Variants in STK3 observed in about 807,000 individuals in gnomAD.
STK3 encodes serine/threonine-protein kinase 3.
STK3 carries 41 observed loss-of-function variants against 58.0 expected under a neutral mutation model. The ratio of observed to expected loss-of-function variants is 0.71; its 90% CI spans 0.55 to 0.92. The LOEUF is 0.92. Ranked by LOEUF, STK3 falls within the 40% of genes least tolerant of loss-of-function variation. STK3 has a pLI of 0.00. For missense variants in STK3, 479 were observed against 602.7 expected, an observed-to-expected ratio of 0.79 and a Z score of 2.15; for synonymous variants, 170 against 191.0, an observed-to-expected ratio of 0.89 and a Z score of 0.91.
chr8:98,825,502 C>A lies in STK3; in HGVS notation c.26+13G>T. ...GCCGCTTCCCTCCTTCTTCCCGCTCCCCGATTCGTTACCTCTTAGGCGCCG... is the reference window on the plus strand; with the variant it reads ...GCCGCTTCCCTCCTTCTTCCCGCTCACCGATTCGTTACCTCTTAGGCGCCG... On this transcript the variant is annotated intron_variant, in intron 1 of 10. Coordinates refer to ENST00000419617, the MANE Select transcript of STK3 (RefSeq NM_006281.4). 1 of 1,457,582 alleles carries A rather than the reference C, an allele frequency of 6.9e-7. No homozygotes were observed. The highest frequency in any genetic ancestry group is 9.1e-7 in the Non-Finnish European group (1 of 1,098,978). 90.3% of individuals were successfully genotyped at this position (1,457,582 alleles called of 1,614,324 possible). A position where few individuals can be genotyped will look rare whatever the true frequency, so the allele number is the denominator to read the frequency against.
At chr8:98,449,783 T>C (rs79177837), downstream of STK3, among the ~76,000 whole-genome samples, 2,157 of 152,296 alleles carry the variant, frequency 0.014, 50 homozygotes, top group African/African-American at 0.048. Context: ...AATAGATTAA[T>C]GCCTTTCTCT....
At chr8:98,395,528 A>G (rs1251029966) in intron 3 of STK3, among the ~76,000 whole-genome samples, 1 of 152,256 alleles carries the variant, frequency 6.6e-6, no homozygotes, top group Non-Finnish European at 1.5e-5. Context: ...ACTAATTAAA[A>G]TTGTAGCAGA....
At chr8:98,707,563 A>T (rs4541872) in intron 4 of STK3, among the ~76,000 whole-genome samples, 43,540 of 151,784 alleles carry the variant, frequency 0.29, 6,912 homozygotes, top group Admixed American at 0.43. Context: ...CCAACCCAAT[A>T]GGCTAACTTA....
At chr8:98,484,065 C>A (rs1012661231) in intron 10 of STK3, among the ~76,000 whole-genome samples, 2 of 70,730 alleles carry the variant, frequency 2.8e-5, no homozygotes, top group African/African-American at 9.7e-5. Context: ...AGTTTCCCAA[C>A]ACATGTGCCA....
At chr8:98,524,634 C>T (rs1056153040) in intron 10 of STK3, among the ~76,000 whole-genome samples, 4 of 152,214 alleles carry the variant, frequency 2.6e-5, no homozygotes, top group East Asian at 1.9e-4. Context: ...GCAGATCCTA[C>T]GCTGATGTCA....
intron 9 of STK3, among the ~76,000 whole-genome samples, chr8:98,541,552 G>A (rs553342935): frequency 1.2e-3 from 185 of 152,204 alleles, no homozygotes; most frequent in South Asian, 3.5e-3. Flanking sequence ...ATAGCAATAT[G>A]AGAACACATT....
intron 8 of STK3, among the ~76,000 whole-genome samples, chr8:98,564,442 G>C (rs766056190): frequency 1.3e-5 from 2 of 152,112 alleles, no homozygotes; most frequent in Non-Finnish European, 2.9e-5. Context: ...CATGGAAGTA[G>C]AGAGTAGAAA....
intron 3 of STK3, among the ~76,000 whole-genome samples, chr8:98,751,485 G>A (rs1829979934): frequency 6.6e-6 from 1 of 152,006 alleles, no homozygotes; most frequent in Non-Finnish European, 1.5e-5. Context: ...AGCCAAATCG[G>A]GAACTAACTC....
intron 3 of STK3, among the ~76,000 whole-genome samples, chr8:98,401,916 A>G (rs1220702617): frequency 1.3e-5 from 2 of 152,208 alleles, no homozygotes; most frequent in African/African-American, 2.4e-5. Flanking sequence ...TCTTGTGCGC[A>G]TGCATTGTAA....
chr8:98,359,015 C>T, the STK3 span, among the ~76,000 whole-genome samples: 7 of 151,972 alleles, frequency 4.6e-5, no homozygotes, highest in African/African-American at 1.7e-4. Flanking sequence ...GTGACTTTTC[C>T]GAAGAAAGAG....
Position 98,526,919 on chromosome 8 carries a change from T to C in STK3, c.1142-2A>G, listed in dbSNP as rs1272963384. The C allele has an allele frequency of 1.3e-6, 2 of 1,537,148 alleles. No homozygotes were observed. Among genetic ancestry groups the C allele is most frequent in the Non-Finnish European group, 1.8e-6 (2 of 1,136,310 alleles). On this transcript the variant is annotated splice_acceptor_variant, in intron 9 of 10. Transcript: ENST00000419617. LOFTEE classifies it high-confidence loss of function. ...GTACTTGTGGTGAGGTTGCATTTCC[T>C]TAGGTAAACAAAGAACATAAGGAAG...
At chr8:98,379,094 T>A (rs999433168) in intron 2 of STK3, 12 of 36,086 alleles carry the variant, frequency 3.3e-4, no homozygotes, top group African/African-American at 1.0e-3. Flanking sequence ...CTCACCTAGC[T>A]CAGATGGGGG....
At chr8:98,828,862 C>T (rs1215615020), upstream of STK3, among the ~76,000 whole-genome samples, 1 of 152,212 alleles carries the variant, frequency 6.6e-6, no homozygotes, top group African/African-American at 2.4e-5. Flanking sequence ...AGGCTGTCAT[C>T]CCAACCCAAC....
exon 3 of STK3, chr8:98,371,541 C>T (rs1817610787): frequency 6.6e-6 from 1 of 152,214 alleles, no homozygotes; most frequent in South Asian, 2.1e-4. Context: ...GGCGGTACAT[C>T]AGAGGGGAGC....
chr8:98,567,634 T>C (rs1812599029), intron 8 of STK3, among the ~76,000 whole-genome samples: 1 of 152,132 alleles, frequency 6.6e-6, no homozygotes, highest in Non-Finnish European at 1.5e-5. Flanking sequence ...CAAATCAGAA[T>C]TGAACAAACT....
intron 1 of STK3, among the ~76,000 whole-genome samples, chr8:98,809,072 G>C (rs1014956756): frequency 6.6e-6 from 1 of 152,234 alleles, no homozygotes; most frequent in Non-Finnish European, 1.5e-5. Flanking sequence ...TGCTGAAAGA[G>C]TGATGCACCC....
intron 9 of STK3, among the ~76,000 whole-genome samples, chr8:98,539,328 T>A (rs144190749): frequency 3.3e-5 from 5 of 152,126 alleles, no homozygotes; most frequent in Non-Finnish European, 7.4e-5. Flanking sequence ...GAGAAAGATA[T>A]TACTAAGCAA....
intron 6 of STK3, among the ~76,000 whole-genome samples, chr8:98,631,255 G>A (rs1819206196): frequency 6.6e-6 from 1 of 152,086 alleles, no homozygotes; most frequent in Non-Finnish European, 1.5e-5. Context: ...CCATTCCTCT[G>A]CTCAAAACCC....
chr8:98,656,991 G>T lies in STK3; in HGVS notation c.684+49476C>A, dbSNP rs140757157. ...AGAATTACTCTACGTAATACAGATG[G>T]ATACAAAATGACAAAAAACTCCCTG... is the stretch of plus-strand genomic sequence containing the variant. On this transcript the variant is annotated intron_variant, in intron 6 of 10. Transcript: ENST00000419617. 2.4e-4 allele frequency among the ~76,000 whole-genome samples: 37 copies of T among 151,980 alleles called. No individual in the cohort carries two copies. In the East Asian group the frequency reaches 6.4e-3, roughly 26 times the overall value.
Sources: allele counts gnomAD v4.1 joint callset (sites outside exome capture counted in the v4.1 genomes callset), GRCh38; gene constraint gnomAD v4.1.1; transcripts MANE v1.5; gene names NCBI Gene and HGNC (gene_info 2026-07-23, HGNC 2026-07-21).